Variants in CA10 observed in about 807,000 individuals in gnomAD.
The protein encoded by CA10 is carbonic anhydrase 10 (inactive).
A neutral mutation model predicts 44.2 loss-of-function variants in CA10; 14 were observed. The observed-to-expected ratio is 0.32, with a 90% CI of 0.21 to 0.50. The LOEUF is 0.50. CA10 is among the 20% of genes least tolerant of loss of function. CA10 has a pLI of 0.99. For missense variants in CA10, 350 were observed against 409.7 expected, an observed-to-expected ratio of 0.85 and a Z score of 1.26; for synonymous variants, 159 against 141.6, an observed-to-expected ratio of 1.12 and a Z score of -0.87.
chr17:51,834,187 C>T (rs746996083), intron 3 of CA10, among the ~76,000 whole-genome samples: 1 of 152,164 alleles, frequency 6.6e-6, no homozygotes, highest in Non-Finnish European at 1.5e-5. Context: ...AATCAGCCTT[C>T]AAATTGATCT....
chr17:51,654,303 A>T (rs1248978078), intron 4 of CA10, among the ~76,000 whole-genome samples: 1 of 152,214 alleles, frequency 6.6e-6, no homozygotes, highest in African/African-American at 2.4e-5. Context: ...CTCCTCATTC[A>T]ATAAGGATCA....
intron 2 of CA10, among the ~76,000 whole-genome samples, chr17:52,023,825 TTGAA>T (rs1290136174): frequency 1.3e-5 from 2 of 152,110 alleles, no homozygotes; most frequent in African/African-American, 4.8e-5. Context: ...ATAATTTGTG[TTGAA>T]TGAAGTCTGC....
chr17:51,786,473 G>A (rs919527879), intron 3 of CA10, among the ~76,000 whole-genome samples: 2 of 152,154 alleles, frequency 1.3e-5, no homozygotes, highest in Admixed American at 1.3e-4. Flanking sequence ...AATCACTTGA[G>A]TCCGGGAGGC....
intron 3 of CA10, among the ~76,000 whole-genome samples, chr17:51,822,424 AAAC>A (rs1462229119): frequency 7.5e-6 from 1 of 132,484 alleles, no homozygotes; most frequent in Non-Finnish European, 1.5e-5. Context: ...CAAAAAAACA[AAAC>A]AAAAACAAAA....
chr17:52,004,192 C>T (rs1340644415), intron 2 of CA10, among the ~76,000 whole-genome samples: 2 of 151,906 alleles, frequency 1.3e-5, no homozygotes, highest in Non-Finnish European at 1.5e-5. Flanking sequence ...AATTTAATAT[C>T]TTGTTTTCAG....
At chr17:51,980,089 C>A (rs1282677134) in intron 2 of CA10, among the ~76,000 whole-genome samples, 1 of 152,134 alleles carries the variant, frequency 6.6e-6, no homozygotes, top group Non-Finnish European at 1.5e-5. Context: ...GCTTTTAGCT[C>A]TTTGAGGAAT....
In CA10 at chr17:51,798,466, T is replaced by C. The variant is rs574746577; in HGVS notation, c.280-50648A>G. Reference sequence around the variant, plus strand: ...TACAATATCCCTAATAAGAGGCTACTGGTTTGAAGGAGATGGTTTAGAACA... The same window carrying C: ...TACAATATCCCTAATAAGAGGCTACCGGTTTGAAGGAGATGGTTTAGAACA... On this transcript the variant is annotated intron_variant, in intron 3 of 8. Coordinates refer to ENST00000451037, the MANE Select transcript of CA10 (RefSeq NM_020178.5). 7.7e-4 allele frequency among the ~76,000 whole-genome samples: 118 copies of C among 152,352 alleles called. No individual in the cohort carries two copies. In the Middle Eastern group the frequency reaches 0.01, roughly 13 times the overall value.
chr17:51,950,014 A>G (rs1983422981), intron 2 of CA10, among the ~76,000 whole-genome samples: 1 of 152,180 alleles, frequency 6.6e-6, no homozygotes, highest in Admixed American at 6.5e-5. Context: ...TAGTACAATT[A>G]GGAACAATTA....
Position 51,747,681 on chromosome 17 carries a change from G to A in CA10, c.417C>T (p.Asp139=), listed in dbSNP as rs771931712. 1.9e-6 allele frequency: 3 copies of A among 1,614,036 alleles called. No homozygotes were observed. Among genetic ancestry groups the A allele is most frequent in the Non-Finnish European group, 2.5e-6 (3 of 1,179,988 alleles). Reference sequence around the variant, plus strand: ...TGAGGAGGTGCTCCGACCCTTGGCTGTCCTCACTCCCAAAGTGTAGTCGGA... The same window carrying A: ...TGAGGAGGTGCTCCGACCCTTGGCTATCCTCACTCCCAAAGTGTAGTCGGA... The part of the protein sequence containing the change: ...EEIRLHFGSE[D]SQGSEHLLNG... Residue 139 remains aspartate (D), a synonymous_variant, in exon 4 of 9, where the codon GAC becomes GAT. Coordinates refer to ENST00000451037, the MANE Select transcript of CA10 (RefSeq NM_020178.5).
chr17:51,644,886 C>T (rs191384450), intron 6 of CA10, among the ~76,000 whole-genome samples: 1 of 151,298 alleles, frequency 6.6e-6, no homozygotes, highest in Admixed American at 6.6e-5. Flanking sequence ...GCCACCTCCG[C>T]CTCCCGGGTT....
At chr17:51,758,334 G>T (rs998912230) in intron 3 of CA10, among the ~76,000 whole-genome samples, 5 of 152,218 alleles carry the variant, frequency 3.3e-5, no homozygotes, top group African/African-American at 1.2e-4. Context: ...GGGATGCTAG[G>T]TAGCACCATT....
chr17:51,680,636 ATACT>A (rs1914812822), intron 4 of CA10, among the ~76,000 whole-genome samples: 1 of 152,150 alleles, frequency 6.6e-6, no homozygotes, highest in Non-Finnish European at 1.5e-5. Context: ...ACATCTCCTG[ATACT>A]TACTCCCCAG....
intron 1 of CA10, among the ~76,000 whole-genome samples, chr17:52,080,995 A>AGG (rs142749688): frequency 0.012 from 1,818 of 152,302 alleles, 10 homozygotes; most frequent in Admixed American, 0.02. Context: ...TGAAGTTATT[A>AGG]GGTGGGCGCA....
chr17:52,088,318 A>T (rs985239601), intron 1 of CA10, among the ~76,000 whole-genome samples: 2 of 152,246 alleles, frequency 1.3e-5, no homozygotes, highest in African/African-American at 4.8e-5. Context: ...TTAGTTCAGT[A>T]GTCAGCAAAC....
chr17:51,929,842 A>G (rs560404443), intron 3 of CA10, among the ~76,000 whole-genome samples: 7 of 152,292 alleles, frequency 4.6e-5, no homozygotes, highest in Admixed American at 2.6e-4. Context: ...TAAATGACCT[A>G]TATATGACCT....
intron 2 of CA10, among the ~76,000 whole-genome samples, chr17:52,004,552 C>A (rs559157417): frequency 6.6e-6 from 1 of 152,028 alleles, no homozygotes; most frequent in South Asian, 2.1e-4. Flanking sequence ...TTTAGTACAG[C>A]CATTCTACGC....
chr17:52,138,733 CTT>C (rs1421013429), intron 1 of CA10, among the ~76,000 whole-genome samples: 1 of 152,112 alleles, frequency 6.6e-6, no homozygotes, highest in Non-Finnish European at 1.5e-5. Flanking sequence ...TGGCAGGAGT[CTT>C]TTTTTAGAGC....
intron 2 of CA10, among the ~76,000 whole-genome samples, chr17:52,008,234 A>G (rs984149886): frequency 2.0e-5 from 3 of 151,816 alleles, no homozygotes; most frequent in Non-Finnish European, 4.4e-5. Context: ...GAGGAAAACT[A>G]TTACAAAGAA....
At chr17:51,664,474 T>A (rs147597603) in intron 4 of CA10, among the ~76,000 whole-genome samples, 36 of 151,744 alleles carry the variant, frequency 2.4e-4, no homozygotes, top group African/African-American at 8.7e-4. Flanking sequence ...CATCTCAATA[T>A]GGAGTACCTG....
Sources: gnomAD v4.1 joint callset for allele counts (sites outside exome capture counted in the v4.1 genomes callset) on GRCh38, gnomAD v4.1.1 for gene constraint, MANE v1.5 for transcripts, NCBI Gene and HGNC (gene_info 2026-07-23, HGNC 2026-07-21) for gene names.